C6orf132: variants seen among roughly 807,000 people sequenced by gnomAD.
C6orf132 encodes chromosome 6 open reading frame 132.
C6orf132 carries 43 observed loss-of-function variants against 65.3 expected under a neutral mutation model. The observed-to-expected ratio is 0.66, with a 90% CI of 0.52 to 0.85. C6orf132 has a LOEUF of 0.85. Among genes scored for constraint, C6orf132 ranks in the 40% least tolerant of loss-of-function variants. The pLI is 0.00. For missense variants in C6orf132, 1,488 were observed against 1,548.8 expected (o/e 0.96, Z 0.66); for synonymous variants, 631 against 654.1 (o/e 0.96, Z 0.54).
At chr6:42,128,799 G>A in intron 1 of C6orf132, 21 bp from the exon 2 acceptor site, 5 of 1,523,856 alleles carry the variant, frequency 3.3e-6, no homozygotes, top group South Asian at 1.2e-5. Flanking sequence ...CAAGTGAGGG[G>A]ACACCATAAG....
chr6:42,142,462 G>C lies in C6orf132; in HGVS notation c.-18C>G, dbSNP rs1248527924. 6.5e-7 allele frequency: 1 copy of C among 1,548,416 alleles called. No homozygotes were observed. The highest frequency in any genetic ancestry group is 2.0e-5 in the Admixed American group (1 of 50,924). Reference sequence around the variant, plus strand: ...TTTTTCATGCTGCCGCAGCCCGCGCGGGCGCCAGGGAAGGACCTTCCCTCC... The same window carrying C: ...TTTTTCATGCTGCCGCAGCCCGCGCCGGCGCCAGGGAAGGACCTTCCCTCC... On this transcript the variant is annotated 5_prime_UTR_variant, in exon 1 of 5. Transcript: ENST00000341865.
At chr6:42,135,080 C>T (rs1766918046) in intron 1 of C6orf132, among the ~76,000 whole-genome samples, 1 of 152,240 alleles carries the variant, frequency 6.6e-6, no homozygotes, top group Non-Finnish European at 1.5e-5. Flanking sequence ...TACTTCCTTC[C>T]ACCAAGAGTT....
rs1179829885 is a variant in C6orf132, at chr6:42,106,235, T to TG, written c.1676dup (p.Thr560AsnfsTer10). The TG allele has an allele frequency of 6.5e-7, 1 of 1,537,142 alleles. No individual in the cohort carries two copies. The highest frequency in any genetic ancestry group is 1.2e-5 in the South Asian group (1 of 84,054). On this transcript the variant is annotated frameshift_variant, in exon 4 of 5. Coordinates refer to ENST00000341865, the MANE Select transcript of C6orf132 (RefSeq NM_001164446.3). LOFTEE classifies it high-confidence loss of function. ...TCCGGATCTGCCGCACACTGGGAGT[T>TG]GGAGAGTCTTGGGGAATGTAGTCCA...
intron 2 of C6orf132, 107 bp downstream of exon 2, chr6:42,128,561 CAGGA>C: frequency 2.5e-6 from 2 of 784,690 alleles, no homozygotes; most frequent in Non-Finnish European, 4.2e-6. Context: ...GGGTCAGCAT[CAGGA>C]AGGAAGGGGT....
chr6:42,123,888 A>G (rs536976985), intron 2 of C6orf132, among the ~76,000 whole-genome samples: 1 of 152,216 alleles, frequency 6.6e-6, no homozygotes, highest in Non-Finnish European at 1.5e-5. Context: ...CGGCTCCCCA[A>G]GCTGGAAGGT....
In C6orf132 at chr6:42,103,533, C is replaced by T. The variant is rs1053144764; in HGVS notation, c.*228G>A. The T allele has an allele frequency of 2.6e-6, 1 of 382,156 alleles. No individual in the cohort carries two copies. Among genetic ancestry groups the T allele is most frequent in the African/African-American group, 2.1e-5 (1 of 48,176 alleles). 23.7% of individuals were successfully genotyped at this position (382,156 alleles called of 1,614,324 possible). On this transcript the variant is annotated 3_prime_UTR_variant, in exon 5 of 5. Transcript: ENST00000341865. The stretch of plus-strand genomic sequence containing the variant: ...TCTACCCTCCTTCCCCTCCCACCCC[C>T]CACGTGTAAACAGTCCACAGTCACA...
rs1399375057 is a variant in C6orf132 at position 42,102,869 on chromosome 6, T to A, written c.*892A>T. On this transcript the variant is annotated 3_prime_UTR_variant, in exon 5 of 5. Coordinates refer to ENST00000341865, the MANE Select transcript of C6orf132 (RefSeq NM_001164446.3). ...CTTGTAGTATCAGTGTTAGGAAAAA[T>A]GCCTTCTCCAAATCCCATATGAGAC... 2.5e-6 allele frequency: 1 copy of A among 394,168 alleles called. No individual in the cohort carries two copies. The highest frequency in any genetic ancestry group is 4.5e-6 in the Non-Finnish European group (1 of 223,886). The allele number at this position is 394,168 out of a possible 1,614,324, so 24.4% of individuals were successfully genotyped here.
Position 42,106,213 on chromosome 6 carries a change from G to A in C6orf132, c.1699C>T (p.Arg567Trp), listed in dbSNP as rs543503521. The part of the protein sequence containing the change: ...DSPTPSVRQI[R>W]NELEARLSSA... ...GAGAGCCGGGCCTCCAGCTCATTCC[G>A]GATCTGCCGCACACTGGGAGTTGGA... is the stretch of plus-strand genomic sequence containing the variant. The change falls in exon 4 of 5, where the codon CGG (arginine) becomes TGG (tryptophan). Residue 567 changes from arginine to tryptophan, a missense_variant. Transcript: ENST00000341865. 1.6e-4 allele frequency: 249 copies of A among 1,537,186 alleles called. 1 individual carries two copies. The highest frequency in any genetic ancestry group is 1.4e-3 in the South Asian group (118 of 84,052).
In C6orf132 at chr6:42,102,829, C is replaced by G. The variant is rs1766315000; in HGVS notation, c.*932G>C. 2.7e-6 allele frequency: 1 copy of G among 372,454 alleles called. No individual in the cohort carries two copies. Among genetic ancestry groups the G allele is most frequent in the Non-Finnish European group, 4.8e-6 (1 of 209,898 alleles). The allele number at this position is 372,454 out of a possible 1,614,324, so 23.1% of individuals were successfully genotyped here. On this transcript the variant is annotated 3_prime_UTR_variant, in exon 5 of 5. Transcript: ENST00000341865. Reference sequence around the variant, plus strand: ...AAGGCTTTCTAGCATCTTAAGGCATCAAGAGTATTGGTGACTTGTAGTATC... The same window carrying G: ...AAGGCTTTCTAGCATCTTAAGGCATGAAGAGTATTGGTGACTTGTAGTATC...
Position 42,103,798 on chromosome 6 carries a change from T to C in C6orf132, c.3530A>G (p.Tyr1177Cys), listed in dbSNP as rs187397305. The part of the protein sequence containing the change: ...VRPGTRHPIS[Y>C]VCSGAHRKAT... ...TTTCCGATGGGCCCCTGAGCAGACA[T>C]AGGAGATGGGATGGCGGGTCCCAGG... Residue 1177 changes from tyrosine (Y) to cysteine (C), a missense_variant, in exon 5 of 5, where the codon TAT becomes TGT. By Grantham distance (194) the Tyr-to-Cys change is radical (BLOSUM62 -2). Transcript: ENST00000341865. 35 of 1,485,748 alleles carry C rather than the reference T, an allele frequency of 2.4e-5. No individual in the cohort carries two copies. The Admixed American group carries it at 3.8e-4, about 16-fold the overall frequency. The allele number at this position is 1,485,748 out of a possible 1,614,324, so 92.0% of individuals were successfully genotyped here.
rs1233433742 is a variant in C6orf132, at chr6:42,106,855, A to T, written c.1057T>A (p.Tyr353Asn). The change falls in exon 4 of 5, where the codon TAC (tyrosine) becomes AAC (asparagine). Residue 353 changes from tyrosine (Y) to asparagine (N), a missense_variant. Transcript: ENST00000341865. Reference protein sequence around the residue: ...SFHIRPASQVYPDRAPEPDCP... With the variant: ...SFHIRPASQVNPDRAPEPDCP... ...TCTGGCTCGGGGGCCCTGTCTGGGT[A>T]GACCTGGGAGGCGGGGCGGATGTGG... The T allele has an allele frequency of 6.5e-7, 1 of 1,534,358 alleles. No individual in the cohort carries two copies.
chr6:42,125,301 A>T (rs1004775250), intron 2 of C6orf132, among the ~76,000 whole-genome samples: 3 of 152,204 alleles, frequency 2.0e-5, no homozygotes, highest in African/African-American at 7.2e-5. Context: ...TACCTTAAGC[A>T]AGTTACGCCA....
In C6orf132 at chr6:42,104,533, G is replaced by A. The variant is rs1048042861; in HGVS notation, c.3379C>T (p.Arg1127Trp). 1.6e-6 allele frequency: 2 copies of A among 1,234,906 alleles called. No homozygotes were observed. Among genetic ancestry groups the A allele is most frequent in the South Asian group, 4.0e-5 (1 of 25,232 alleles). 76.5% of individuals were successfully genotyped at this position (1,234,906 alleles called of 1,614,324 possible). A position where few individuals can be genotyped will look rare whatever the true frequency, so the allele number is the denominator to read the frequency against. Reference protein sequence around the residue: ...APRLSLEGAARGAAEAKHKAP... With the variant: ...APRLSLEGAAWGAAEAKHKAP... ...TTGTGCTTGGCCTCCGCGGCGCCCC[G>A]GGCGGCGCCCTCCAGGGACAGCCTC... The change falls in exon 4 of 5, where the codon CGG becomes TGG. Residue 1127 changes from arginine to tryptophan, a missense_variant. Arg to Trp is a moderately radical substitution (Grantham distance 101). Transcript: ENST00000341865. This position sits in a 1 kb window ranked among gnomAD's most constrained non-coding sequence, Gnocchi z 4.1.
chr6:42,142,593 C>G lies in C6orf132; in HGVS notation c.-149G>C. 1.9e-4 allele frequency: 68 copies of G among 354,680 alleles called. No individual in the cohort carries two copies. Among genetic ancestry groups the G allele is most frequent in the East Asian group, 3.3e-4 (4 of 12,008 alleles). The allele number at this position is 354,680 out of a possible 1,614,324, so 22.0% of individuals were successfully genotyped here. Reference sequence around the variant, plus strand: ...CCGCCCGCGCACCGGGCAACAGGTGCTGCGGGCGCCGCCGCTTGCCGGGAA... The same window carrying G: ...CCGCCCGCGCACCGGGCAACAGGTGGTGCGGGCGCCGCCGCTTGCCGGGAA... On this transcript the variant is annotated 5_prime_UTR_variant, in exon 1 of 5. Transcript: ENST00000341865.
intron 2 of C6orf132, among the ~76,000 whole-genome samples, chr6:42,120,724 C>T (rs1030588035): frequency 1.2e-4 from 18 of 152,124 alleles, no homozygotes; most frequent in African/African-American, 4.1e-4. Context: ...CAGGTTCAAG[C>T]GATTCTGCGG....
chr6:42,115,949 T>TTTG (rs1766563045), intron 2 of C6orf132, among the ~76,000 whole-genome samples: 1 of 146,356 alleles, frequency 6.8e-6, no homozygotes, highest in African/African-American at 2.6e-5. Context: ...TTTTTTTTTT[T>TTTG]GAGATGGTCT....
intron 1 of C6orf132, among the ~76,000 whole-genome samples, 165 bp downstream of exon 1, chr6:42,142,135 A>G (rs1020956749): frequency 2.0e-5 from 3 of 151,624 alleles, no homozygotes; most frequent in African/African-American, 7.3e-5. Context: ...AGCCCTTCCC[A>G]GACACCCCTG....
intron 1 of C6orf132, among the ~76,000 whole-genome samples, chr6:42,139,644 C>T (rs561958731): frequency 1.2e-4 from 18 of 152,312 alleles, no homozygotes; most frequent in Admixed American, 9.1e-4. Flanking sequence ...TGGCCCAACA[C>T]AAATTAGTGA....
rs377009471 is a variant in C6orf132 at position 42,105,122 on chromosome 6, G to T, written c.2790C>A (p.Ser930Arg). 9 of 1,536,948 alleles carry T rather than the reference G, an allele frequency of 5.9e-6. No individual in the cohort carries two copies. The African/African-American group carries it at 1.2e-4, about 21-fold the overall frequency. The part of the protein sequence containing the change: ...LGRDAEGTEL[S>R]RRHNWTKPEP... ...CTGGCTTTGTCCAGTTGTGCCTGCG[G>T]CTCAGCTCTGTGCCCTCTGCGTCTC... is the stretch of plus-strand genomic sequence containing the variant. The change falls in exon 4 of 5, where the codon AGC becomes AGA. Residue 930 changes from serine to arginine, a missense_variant. Physicochemically the swap from Ser to Arg is moderately radical, Grantham distance 110 (BLOSUM62 -1). Coordinates refer to ENST00000341865, the MANE Select transcript of C6orf132 (RefSeq NM_001164446.3).
Sources: gnomAD v4.1 joint callset for allele counts (sites outside exome capture counted in the v4.1 genomes callset) on GRCh38, gnomAD v4.1.1 for gene constraint, Gnocchi (gnomAD v3.1) non-coding constraint, MANE v1.5 for transcripts, NCBI Gene and HGNC (gene_info 2026-07-23, HGNC 2026-07-21) for gene names.